Variants in GRM8 observed in about 807,000 individuals in gnomAD.
GRM8 encodes glutamate metabotropic receptor 8.
In GRM8, 47 loss-of-function variants were observed where a neutral mutation model predicts 87.2. The observed-to-expected ratio is 0.54, with a 90% CI of 0.43 to 0.69. GRM8 has a LOEUF of 0.69. GRM8 is among the 30% of genes least tolerant of loss of function. GRM8 has a pLI of 0.00. For synonymous variants in GRM8, 396 were observed against 404.5 expected, an observed-to-expected ratio of 0.98 and a Z score of 0.25; for missense variants, 1,019 against 1,139.2, an observed-to-expected ratio of 0.89 and a Z score of 1.52.
At chr7:126,565,246 A>G (rs1180317856) in intron 8 of GRM8, among the ~76,000 whole-genome samples, 1 of 152,190 alleles carries the variant, frequency 6.6e-6, no homozygotes, top group Non-Finnish European at 1.5e-5. Context: ...GAAAGAAGCA[A>G]AATTGTCCCT....
At position 126,532,277 on chromosome 7, in the gene GRM8, A is replaced by C. The variant is rs1246525097; in HGVS notation, c.2430+675T>G. On this transcript the variant is annotated intron_variant, in intron 9 of 10. Coordinates refer to ENST00000339582, the MANE Select transcript of GRM8 (RefSeq NM_000845.3). ...CTAAAATTTATAAGCTGCTTTATAT[A>C]ATTGTCCATGATTGCCTTCTTTACC... Among the ~76,000 whole-genome samples the C allele has an allele frequency of 4.6e-5, 7 of 152,356 alleles. No homozygotes were observed. The East Asian group carries it at 1.3e-3, about 29-fold the overall frequency.
intron 8 of GRM8, among the ~76,000 whole-genome samples, chr7:126,540,615 A>G (rs1196947878): frequency 1.3e-5 from 2 of 152,224 alleles, no homozygotes; most frequent in Non-Finnish European, 2.9e-5. Flanking sequence ...GGAATAGTGT[A>G]TTGACACCTA....
At chr7:127,044,098 C>G (rs1008229051) in intron 3 of GRM8, among the ~76,000 whole-genome samples, 1 of 152,222 alleles carries the variant, frequency 6.6e-6, no homozygotes, top group Admixed American at 6.5e-5. Context: ...TGAGCTGGCT[C>G]TCTGATGAAG....
At chr7:127,140,868 T>A (rs1372300114) in intron 2 of GRM8, among the ~76,000 whole-genome samples, 3 of 151,690 alleles carry the variant, frequency 2.0e-5, no homozygotes. Context: ...CATTTATCAC[T>A]CCATGTTGAT....
At chr7:126,702,625 A>G (rs540883578) in intron 7 of GRM8, among the ~76,000 whole-genome samples, 9 of 152,256 alleles carry the variant, frequency 5.9e-5, no homozygotes, top group Non-Finnish European at 1.2e-4. Context: ...ACTCATGGTT[A>G]TAGTAGTACA....
intron 6 of GRM8, among the ~76,000 whole-genome samples, chr7:126,865,468 T>G (rs945159708): frequency 2.0e-5 from 3 of 152,244 alleles, no homozygotes; most frequent in Admixed American, 6.5e-5. Context: ...AACAATTCAA[T>G]GGCTTTTAAT....
At position 126,776,065 on chromosome 7, in the gene GRM8, C is replaced by T. The variant is rs556682056; in HGVS notation, c.1157-6000G>A. 2.0e-5 allele frequency among the ~76,000 whole-genome samples: 3 copies of T among 152,254 alleles called. No individual in the cohort carries two copies. The South Asian group carries it at 6.2e-4, about 32-fold the overall frequency. On this transcript the variant is annotated intron_variant, in intron 6 of 10. Transcript: ENST00000339582. ...TAATGATTTTCTTCCCAAACTTCGC[C>T]TAGATTAGATCATCGAGCATCTTAA...
chr7:127,227,818 C>T (rs981075652), intron 2 of GRM8, among the ~76,000 whole-genome samples: 45 of 152,218 alleles, frequency 3.0e-4, no homozygotes, highest in African/African-American at 1.1e-3. Context: ...GCCATGTGAT[C>T]ATTCCGGCAG....
chr7:126,963,048 T>A (rs1809478356), intron 3 of GRM8, among the ~76,000 whole-genome samples: 1 of 152,230 alleles, frequency 6.6e-6, no homozygotes, highest in Non-Finnish European at 1.5e-5. Flanking sequence ...TCAACTATTC[T>A]GCATGCAAAC....
chr7:126,594,359 G>T (rs2151052815), intron 8 of GRM8, among the ~76,000 whole-genome samples: 1 of 152,074 alleles, frequency 6.6e-6, no homozygotes, highest in South Asian at 2.1e-4. Flanking sequence ...GTGGATGAAT[G>T]GATAAGGAAA....
At chr7:126,810,007 A>G (rs1198603213) in intron 6 of GRM8, among the ~76,000 whole-genome samples, 3 of 152,220 alleles carry the variant, frequency 2.0e-5, no homozygotes, top group African/African-American at 7.2e-5. Context: ...ACATTTCAAA[A>G]AATAAATTAC....
chr7:127,000,533 C>T (rs898097629), intron 3 of GRM8, among the ~76,000 whole-genome samples: 1 of 151,506 alleles, frequency 6.6e-6, no homozygotes, highest in Admixed American at 6.6e-5. Flanking sequence ...TATGTACCTA[C>T]AAAAATTAAA....
chr7:126,893,923 C>T (rs545837283), intron 6 of GRM8, among the ~76,000 whole-genome samples: 242 of 152,082 alleles, frequency 1.6e-3, no homozygotes, highest in African/African-American at 4.7e-3. Context: ...TTTTGTTTAG[C>T]TATGTTCCTA....
chr7:126,809,073 A>C (rs915362875), intron 6 of GRM8, among the ~76,000 whole-genome samples: 9 of 152,126 alleles, frequency 5.9e-5, no homozygotes, highest in African/African-American at 2.2e-4. Context: ...TCCCTTGCGT[A>C]TTTTATCTTT....
At chr7:126,561,039 T>A (rs948033542) in intron 8 of GRM8, among the ~76,000 whole-genome samples, 2 of 152,192 alleles carry the variant, frequency 1.3e-5, no homozygotes, top group African/African-American at 2.4e-5. Context: ...ACAGACACAC[T>A]ACATGGTCTA....
chr7:126,991,108 T>A (rs921848900), intron 3 of GRM8, among the ~76,000 whole-genome samples: 9 of 152,176 alleles, frequency 5.9e-5, no homozygotes, highest in Non-Finnish European at 1.2e-4. Context: ...ATTATTGTGA[T>A]ACAAAATAAG....
intron 6 of GRM8, among the ~76,000 whole-genome samples, chr7:126,778,426 A>C (rs2151632061): frequency 6.6e-6 from 1 of 152,312 alleles, no homozygotes; most frequent in Non-Finnish European, 1.5e-5. Flanking sequence ...AACACTGAAA[A>C]ACCTAAGGTA....
At chr7:126,784,741 G>A (rs1386873908) in intron 6 of GRM8, among the ~76,000 whole-genome samples, 3 of 151,884 alleles carry the variant, frequency 2.0e-5, no homozygotes, top group South Asian at 2.1e-4. Flanking sequence ...TATTATTACC[G>A]TTTTTTAGGA....
chr7:126,614,278 G>C (rs540457512), intron 7 of GRM8, among the ~76,000 whole-genome samples: 1 of 152,264 alleles, frequency 6.6e-6, no homozygotes, highest in African/African-American at 2.4e-5. Flanking sequence ...GTCTGGAGTG[G>C]ACCTCCAGCA....
Sources: allele counts gnomAD v4.1 joint callset (sites outside exome capture counted in the v4.1 genomes callset), GRCh38; gene constraint gnomAD v4.1.1; transcripts MANE v1.5; gene names NCBI Gene and HGNC (gene_info 2026-07-23, HGNC 2026-07-21).